Variants in MED13L observed in about 807,000 individuals in gnomAD.
The protein encoded by MED13L is mediator complex subunit 13L, also known as mediator of RNA polymerase II transcription subunit 13-like.
A neutral mutation model predicts 220.9 loss-of-function variants in MED13L; 7 were observed. That is an observed-to-expected ratio of 0.03 (90% confidence interval 0.02 to 0.06). The LOEUF (loss-of-function observed/expected upper bound fraction) is 0.06. MED13L is among the 10% of genes least tolerant of loss of function. The pLI is 1.00. For synonymous variants in MED13L, 1,011 were observed against 1,015.2 expected, an observed-to-expected ratio of 1.00 and a Z score of 0.08; for missense variants, 1,965 against 2,760.5, an observed-to-expected ratio of 0.71 and a Z score of 6.46.
intron 2 of MED13L, among the ~76,000 whole-genome samples, chr12:116,145,513 T>C (rs1209971682): frequency 3.3e-5 from 5 of 152,024 alleles, no homozygotes; most frequent in Non-Finnish European, 5.9e-5. Context: ...CTTTTCTCTT[T>C]GAGACAAGGT....
intron 2 of MED13L, among the ~76,000 whole-genome samples, chr12:116,155,111 GCCACCA>G (rs1878330108): frequency 6.6e-6 from 1 of 152,128 alleles, no homozygotes; most frequent in Non-Finnish European, 1.5e-5. Flanking sequence ...ACAGGCGTGA[GCCACCA>G]CCACCGGCCA....
intron 2 of MED13L, chr12:116,236,756 TA>T: frequency 1.3e-6 from 1 of 799,896 alleles, no homozygotes; most frequent in Non-Finnish European, 1.5e-6. Context: ...AGACAACTGA[TA>T]AAAGTTCCTG....
chr12:116,127,945 C>G (rs2137988603), intron 2 of MED13L, among the ~76,000 whole-genome samples: 1 of 152,310 alleles, frequency 6.6e-6, no homozygotes, highest in Non-Finnish European at 1.5e-5. Flanking sequence ...TCTGTGTACT[C>G]ATTTCAACAG....
At chr12:116,068,903 G>A (rs1455154100) in intron 4 of MED13L, among the ~76,000 whole-genome samples, 1 of 152,100 alleles carries the variant, frequency 6.6e-6, no homozygotes, top group Non-Finnish European at 1.5e-5. Flanking sequence ...CAAAACTTGA[G>A]AACTCTGGTT....
chr12:116,091,761 T>C (rs954011455), intron 4 of MED13L, among the ~76,000 whole-genome samples: 1 of 152,252 alleles, frequency 6.6e-6, no homozygotes, highest in Non-Finnish European at 1.5e-5. Context: ...CCAAATCTAA[T>C]AGTCTTTATA....
intron 4 of MED13L, among the ~76,000 whole-genome samples, chr12:116,073,043 G>A (rs1353480438): frequency 6.6e-6 from 1 of 152,130 alleles, no homozygotes; most frequent in African/African-American, 2.4e-5. Context: ...TGGATAAAAT[G>A]TGAGAATATT....
At chr12:115,963,718 A>G (rs958621090) in intron 29 of MED13L, among the ~76,000 whole-genome samples, 199 bp from the exon 30 acceptor site, 1 of 151,246 alleles carries the variant, frequency 6.6e-6, no homozygotes, top group African/African-American at 2.4e-5. Context: ...GGAAAAAAAC[A>G]AAAAAAAAGC....
intron 4 of MED13L, among the ~76,000 whole-genome samples, chr12:116,039,657 T>G (rs186661902): frequency 6.6e-6 from 1 of 152,220 alleles, no homozygotes; most frequent in African/African-American, 2.4e-5. Context: ...CAATTCATTA[T>G]GAAGGAGTTA....
intron 4 of MED13L, among the ~76,000 whole-genome samples, chr12:116,075,437 T>A (rs1347068133): frequency 6.6e-6 from 1 of 152,218 alleles, no homozygotes; most frequent in Non-Finnish European, 1.5e-5. Context: ...ACTTTCTAGA[T>A]CTGTGTAATA....
chr12:116,115,490 TAAAC>T (rs1288914985), intron 2 of MED13L, among the ~76,000 whole-genome samples: 2 of 152,010 alleles, frequency 1.3e-5, no homozygotes, highest in Non-Finnish European at 2.9e-5. Flanking sequence ...GAAAAACTGA[TAAAC>T]AGAGTTTCAT....
At chr12:116,050,213 T>C (rs1446599719) in intron 4 of MED13L, among the ~76,000 whole-genome samples, 1 of 152,162 alleles carries the variant, frequency 6.6e-6, no homozygotes, top group Non-Finnish European at 1.5e-5. Flanking sequence ...GAACAAAATA[T>C]AGCACAGCTT....
intron 2 of MED13L, among the ~76,000 whole-genome samples, chr12:116,191,091 CAAAAAAA>C (rs558125739): frequency 1.5e-5 from 1 of 66,006 alleles, no homozygotes; most frequent in East Asian, 4.8e-4. Flanking sequence ...GACTCTGTCT[CAAAAAAA>C]AAAAAAAAAG....
intron 1 of MED13L, among the ~76,000 whole-genome samples, chr12:116,271,141 A>G (rs1041839500): frequency 1.3e-5 from 2 of 151,892 alleles, no homozygotes; most frequent in African/African-American, 4.8e-5. Context: ...CTAAATTCCA[A>G]GAACACATAC....
intron 4 of MED13L, among the ~76,000 whole-genome samples, chr12:116,063,224 AATACAT>A (rs1869652984): frequency 6.6e-6 from 1 of 152,234 alleles, no homozygotes; most frequent in South Asian, 2.1e-4. Flanking sequence ...GATAGTAGAT[AATACAT>A]ATATAACTGG....
At chr12:116,227,434 C>T (rs916848055) in intron 2 of MED13L, among the ~76,000 whole-genome samples, 1 of 152,160 alleles carries the variant, frequency 6.6e-6, no homozygotes, top group African/African-American at 2.4e-5. Context: ...AACCCTGTGT[C>T]GAGCAAGCCT....
chr12:116,245,953 C>T (rs1370312095), intron 1 of MED13L, among the ~76,000 whole-genome samples: 4 of 152,072 alleles, frequency 2.6e-5, no homozygotes, highest in African/African-American at 4.8e-5. Flanking sequence ...GAAAGACTCG[C>T]GGAAGGCATA....
intron 4 of MED13L, among the ~76,000 whole-genome samples, chr12:116,089,435 T>G (rs961567810): frequency 6.6e-6 from 1 of 152,188 alleles, no homozygotes; most frequent in Non-Finnish European, 1.5e-5. Context: ...ATCTAAACAT[T>G]TGATATTATT....
chr12:116,258,911 A>G (rs974040284), intron 1 of MED13L, among the ~76,000 whole-genome samples: 2 of 150,868 alleles, frequency 1.3e-5, no homozygotes, highest in African/African-American at 2.4e-5. Flanking sequence ...AAATTTAAAT[A>G]TTGAGGGTTT....
chr12:116,153,797 G>T (rs1216545365), intron 2 of MED13L, among the ~76,000 whole-genome samples: 1 of 152,120 alleles, frequency 6.6e-6, no homozygotes, highest in African/African-American at 2.4e-5. Flanking sequence ...CTGGTTTAAT[G>T]CTCCCTTTGT....
Sources: gnomAD v4.1 joint callset for allele counts (sites outside exome capture counted in the v4.1 genomes callset) on GRCh38, gnomAD v4.1.1 for gene constraint, MANE v1.5 for transcripts, NCBI Gene and HGNC (gene_info 2026-07-23, HGNC 2026-07-21) for gene names.